Variants in BEND3 observed in about 807,000 individuals in gnomAD.
BEND3 encodes the protein BEN domain-containing protein 3.
BEND3 carries 13 observed loss-of-function variants against 60.1 expected under a neutral mutation model. The ratio of observed to expected loss-of-function variants is 0.22; its 90% CI spans 0.14 to 0.34. The LOEUF is 0.34. BEND3 is among the 10% of genes least tolerant of loss of function. The probability of loss-of-function intolerance (pLI) is 1.00; values close to 1 mark genes in which losing one functional copy is unlikely to be tolerated. For missense variants in BEND3, 896 were observed against 1,138.1 expected, an observed-to-expected ratio of 0.79 and a Z score of 3.06; for synonymous variants, 497 against 491.5, an observed-to-expected ratio of 1.01 and a Z score of -0.15.
chr6:107,071,348 C>T (rs1241215076), intron 3 of BEND3, among the ~76,000 whole-genome samples: 1 of 152,198 alleles, frequency 6.6e-6, no homozygotes, highest in East Asian at 1.9e-4. Context: ...GGCAGGTCAC[C>T]CCATGGACCC....
intron 3 of BEND3, among the ~76,000 whole-genome samples, chr6:107,098,348 C>T (rs782480968): frequency 1.3e-5 from 2 of 152,174 alleles, no homozygotes; most frequent in South Asian, 4.1e-4. Flanking sequence ...CTTTACCCAC[C>T]AGGAATCCCA....
chr6:107,069,509 C>T lies in BEND3; in HGVS notation c.1682G>A (p.Arg561His), dbSNP rs1554231498. 8 of 1,612,990 alleles carry T rather than the reference C, an allele frequency of 5.0e-6. No homozygotes were observed. Among genetic ancestry groups the T allele is most frequent in the African/African-American group, 1.3e-5 (1 of 74,904 alleles). Residue 561 changes from arginine to histidine, a missense_variant, in exon 4 of 4, where the codon CGC (arginine) becomes CAC (histidine). Transcript: ENST00000369042. ...GGACAGGCTGCTCTCGTAGATGCTG[C>T]GTAGCTGCTCCTTGCTGAGCAGGCA... ...ADCLLSKEQL[R>H]SIYESSLSIG...
chr6:107,077,079 G>C (rs1420527362), intron 3 of BEND3, among the ~76,000 whole-genome samples: 3 of 151,944 alleles, frequency 2.0e-5, no homozygotes, highest in Non-Finnish European at 4.4e-5. Context: ...AATTAGGGCA[G>C]GTCTCCCTCT....
rs1770083311 is a variant in BEND3, at chr6:107,111,354, T to C, written c.-12+3736A>G. Among the ~76,000 whole-genome samples, 5 of 151,838 alleles carry C rather than the reference T, an allele frequency of 3.3e-5. 1 individual carries two copies. Among genetic ancestry groups the C allele is most frequent in the Admixed American group, 2.0e-4 (3 of 15,256 alleles). On this transcript the variant is annotated intron_variant, in intron 1 of 3. Coordinates refer to ENST00000369042, the MANE Select transcript of BEND3 (RefSeq NM_001367314.1). ...GGTGAAACCCCGTCTCTACTAAAAA[T>C]ACAAAAATTAGCCGGGTATGGTAGT...
In BEND3 at chr6:107,069,982, T is replaced by C. The variant is rs782369111; in HGVS notation, c.1209A>G (p.Glu403=). The change falls in exon 4 of 4, where the codon GAA becomes GAG. Residue 403 remains glutamate (E), a synonymous_variant. Transcript: ENST00000369042. The part of the protein sequence containing the change: ...DTQDLTEFLD[E]ASSPGEFAVF... ...CGGCAAACTCGCCTGGTGAGGAGGC[T>C]TCGTCCAGGAACTCAGTGAGGTCCT... The C allele has an allele frequency of 1.1e-5, 18 of 1,613,340 alleles. No individual in the cohort carries two copies. In the South Asian group the frequency reaches 1.5e-4, roughly 14 times the overall value.
rs1302300281 is a variant in BEND3, at chr6:107,065,348, G to A, written c.*3356C>T. ...CTATGGTAAAATGCAGACATGATGC[G>A]AGATTTCATTATCTTTGGTAAAACT... On this transcript the variant is annotated 3_prime_UTR_variant, in exon 4 of 4. Coordinates refer to ENST00000369042, the MANE Select transcript of BEND3 (RefSeq NM_001367314.1). 5.9e-5 allele frequency: 9 copies of A among 152,540 alleles called. No homozygotes were observed. The highest frequency in any genetic ancestry group is 1.9e-4 in the African/African-American group (8 of 41,408). 9.4% of individuals were successfully genotyped at this position (152,540 alleles called of 1,614,324 possible). A position where few individuals can be genotyped will look rare whatever the true frequency, so the allele number is the denominator to read the frequency against.
At chr6:107,072,119 T>C (rs573121603) in intron 3 of BEND3, among the ~76,000 whole-genome samples, 3 of 152,328 alleles carry the variant, frequency 2.0e-5, no homozygotes, top group South Asian at 4.1e-4. Flanking sequence ...AGCTAGTCAG[T>C]GAGCGCTGGT....
At chr6:107,098,494 C>G (rs782190100) in intron 3 of BEND3, 57 bp downstream of exon 3, 3 of 1,561,760 alleles carry the variant, frequency 1.9e-6, no homozygotes, top group Non-Finnish European at 2.6e-6. Context: ...GGAGATTCAG[C>G]ATGGAATCAG....
intron 1 of BEND3, among the ~76,000 whole-genome samples, chr6:107,112,028 C>G (rs1770113268): frequency 6.6e-6 from 1 of 152,010 alleles, no homozygotes; most frequent in African/African-American, 2.4e-5. Flanking sequence ...GAAAAAAACA[C>G]TACATCCCAG....
intron 3 of BEND3, among the ~76,000 whole-genome samples, chr6:107,073,637 A>G (rs540291653): frequency 1.3e-5 from 2 of 152,252 alleles, no homozygotes; most frequent in South Asian, 2.1e-4. Context: ...AGTGGCTCAC[A>G]CCTGTAATCC....
chr6:107,082,038 C>T (rs1775245826), intron 3 of BEND3, among the ~76,000 whole-genome samples: 1 of 152,208 alleles, frequency 6.6e-6, no homozygotes. Context: ...TACTCCCTCC[C>T]ACCTTTGTGT....
At chr6:107,109,612 G>A (rs781864539) in intron 1 of BEND3, among the ~76,000 whole-genome samples, 13 of 151,558 alleles carry the variant, frequency 8.6e-5, no homozygotes, top group Non-Finnish European at 2.9e-5. Flanking sequence ...GGTCGCTCAC[G>A]CCTGTAGCCC....
chr6:107,099,180 T>C (rs1024802187), intron 2 of BEND3, 69 bp downstream of exon 2: 18 of 1,273,394 alleles, frequency 1.4e-5, no homozygotes, highest in Non-Finnish European at 1.9e-5. Context: ...TTTTGGACCA[T>C]GTGAATGTAT....
chr6:107,087,157 C>A (rs1481210728), intron 3 of BEND3, among the ~76,000 whole-genome samples: 1 of 151,224 alleles, frequency 6.6e-6, no homozygotes, highest in Non-Finnish European at 1.5e-5. Context: ...CATGGCGAAA[C>A]CCCATCTCTA....
chr6:107,091,822 C>T (rs1477688967), intron 3 of BEND3, among the ~76,000 whole-genome samples: 1 of 152,026 alleles, frequency 6.6e-6, no homozygotes, highest in African/African-American at 2.4e-5. Flanking sequence ...ACCTTAATAC[C>T]AAAACCAGAC....
At chr6:107,089,496 G>A (rs1341302062) in intron 3 of BEND3, among the ~76,000 whole-genome samples, 2 of 150,444 alleles carry the variant, frequency 1.3e-5, no homozygotes, top group Non-Finnish European at 3.0e-5. Context: ...TGAGGCAGGA[G>A]AATGGTGTGA....
At chr6:107,078,355 C>A (rs558209820) in intron 3 of BEND3, among the ~76,000 whole-genome samples, 1 of 151,928 alleles carries the variant, frequency 6.6e-6, no homozygotes, top group Admixed American at 6.6e-5. Context: ...CAGGTGGCCT[C>A]CCTTGATGGT....
chr6:107,108,471 C>T (rs1245065095), intron 1 of BEND3, among the ~76,000 whole-genome samples: 2 of 152,184 alleles, frequency 1.3e-5, no homozygotes, highest in African/African-American at 4.8e-5. Context: ...GACTGCACAA[C>T]GGTGACTAAT....
intron 1 of BEND3, among the ~76,000 whole-genome samples, chr6:107,103,987 G>C (rs113277492): frequency 7.9e-6 from 1 of 126,260 alleles, no homozygotes; most frequent in Non-Finnish European, 1.7e-5. Flanking sequence ...AAGAAAGAAA[G>C]AAAAAACAAA....
Sources: allele counts gnomAD v4.1 joint callset (sites outside exome capture counted in the v4.1 genomes callset), GRCh38; gene constraint gnomAD v4.1.1; transcripts MANE v1.5; gene names NCBI Gene and HGNC (gene_info 2026-07-23, HGNC 2026-07-21).